The following STAU2 variants were observed in gnomAD, a reference collection of about 807,000 sequenced individuals.
STAU2 encodes double-stranded RNA-binding protein Staufen homolog 2.
In STAU2, 20 loss-of-function variants were observed where a neutral mutation model predicts 65.9. The observed-to-expected ratio is 0.30, with a 90% CI of 0.21 to 0.44. The LOEUF (loss-of-function observed/expected upper bound fraction) is 0.44, where lower values mean the gene tolerates loss of function less well. Ranked by LOEUF, STAU2 falls within the 20% of genes least tolerant of loss-of-function variation. The pLI is 1.00. For missense variants in STAU2, 558 were observed against 683.9 expected (o/e 0.82, Z 2.05); for synonymous variants, 232 against 233.9 (o/e 0.99, Z 0.07).
rs149600110 is a variant in STAU2 at position 73,694,126 on chromosome 8, A to C, written c.115-5313T>G. On this transcript the variant is annotated intron_variant, in intron 4 of 14. Transcript: ENST00000524300. ...TAACGAAGGTCATTTCATATGAATAAAGAAAGCAATTAAGAAGACATTGAT... is the reference window on the plus strand; with the variant it reads ...TAACGAAGGTCATTTCATATGAATACAGAAAGCAATTAAGAAGACATTGAT... Among the ~76,000 whole-genome samples, 1,010 of 152,370 alleles carry C rather than the reference A, an allele frequency of 6.6e-3. 14 individuals are homozygous for C. The highest frequency in any genetic ancestry group is 9.2e-3 in the Non-Finnish European group (625 of 68,032).
At chr8:73,636,974 T>C (rs1208456334) in intron 6 of STAU2, among the ~76,000 whole-genome samples, 1 of 145,280 alleles carries the variant, frequency 6.9e-6, no homozygotes, top group Non-Finnish European at 1.5e-5. Flanking sequence ...GAACAGTAAT[T>C]ATAAAAAGTA....
chr8:73,725,822 A>G (rs1054719707), intron 3 of STAU2, among the ~76,000 whole-genome samples: 4 of 152,136 alleles, frequency 2.6e-5, no homozygotes, highest in Admixed American at 6.6e-5. Context: ...AATCCCAGCT[A>G]CTTGAGAGGC....
intron 5 of STAU2, among the ~76,000 whole-genome samples, chr8:73,675,118 A>ATCC (rs1413973630): frequency 6.6e-6 from 1 of 151,944 alleles, no homozygotes; most frequent in Non-Finnish European, 1.5e-5. Flanking sequence ...GTGGCATAAA[A>ATCC]TTGGACATCA....
At chr8:73,685,760 T>A (rs1818759922) in intron 5 of STAU2, among the ~76,000 whole-genome samples, 1 of 152,150 alleles carries the variant, frequency 6.6e-6, no homozygotes, top group Non-Finnish European at 1.5e-5. Context: ...CTTAAAGAAC[T>A]AAAAGTAGAA....
At position 73,466,643 on chromosome 8, in the gene STAU2, C is replaced by A. The variant is rs887407803; in HGVS notation, c.1531-43941G>T. Reference sequence around the variant, plus strand: ...CATGGAGTTGCCCTGGCCTTTCCCACTCTCTCACTCTCCCACCTCATGTCA... The same window carrying A: ...CATGGAGTTGCCCTGGCCTTTCCCAATCTCTCACTCTCCCACCTCATGTCA... On this transcript the variant is annotated intron_variant, in intron 13 of 14. Transcript: ENST00000524300. 6.6e-5 allele frequency among the ~76,000 whole-genome samples: 10 copies of A among 152,342 alleles called. No individual in the cohort carries two copies. The East Asian group carries it at 1.9e-3, about 29-fold the overall frequency.
intron 6 of STAU2, among the ~76,000 whole-genome samples, chr8:73,648,032 A>C (rs1815521085): frequency 6.6e-6 from 1 of 152,218 alleles, no homozygotes; most frequent in African/African-American, 2.4e-5. Flanking sequence ...GGGGAGACTG[A>C]GTGCAGAGTA....
intron 12 of STAU2, among the ~76,000 whole-genome samples, chr8:73,556,860 G>C (rs534444234): frequency 1.2e-4 from 18 of 152,262 alleles, no homozygotes; most frequent in Non-Finnish European, 2.4e-4. Context: ...CTTTTGGTGA[G>C]ATGAAAATGT....
chr8:73,522,830 TC>T (rs1823112999), intron 13 of STAU2, among the ~76,000 whole-genome samples: 1 of 152,146 alleles, frequency 6.6e-6, no homozygotes, highest in African/African-American at 2.4e-5. Context: ...GATGGGAAAC[TC>T]TGGCCTACAG....
chr8:73,490,768 T>C (rs1337811778), intron 13 of STAU2, among the ~76,000 whole-genome samples: 3 of 152,064 alleles, frequency 2.0e-5, no homozygotes, highest in African/African-American at 7.2e-5. Flanking sequence ...GGGAGCTCAA[T>C]ATTCTTCCTT....
At chr8:73,427,648 A>G (rs1816923559) in intron 13 of STAU2, among the ~76,000 whole-genome samples, 1 of 152,212 alleles carries the variant, frequency 6.6e-6, no homozygotes, top group Admixed American at 6.5e-5. Context: ...GCCTGTGTCC[A>G]TCAACCGGGG....
chr8:73,722,597 C>T (rs1821760619), intron 3 of STAU2, among the ~76,000 whole-genome samples: 1 of 152,170 alleles, frequency 6.6e-6, no homozygotes, highest in Non-Finnish European at 1.5e-5. Flanking sequence ...TTGCTTATAT[C>T]GTTTCTGATA....
chr8:73,568,358 C>A (rs1808774697), intron 12 of STAU2, among the ~76,000 whole-genome samples: 1 of 152,188 alleles, frequency 6.6e-6, no homozygotes, highest in Non-Finnish European at 1.5e-5. Flanking sequence ...AATCCTAACA[C>A]TTTGGGAAGC....
At chr8:73,497,827 GTTTC>G (rs1227877329) in intron 13 of STAU2, among the ~76,000 whole-genome samples, 4 of 151,642 alleles carry the variant, frequency 2.6e-5, no homozygotes, top group East Asian at 1.9e-4. Context: ...ACACTCGAGT[GTTTC>G]TTTATCAGTA....
upstream of STAU2, chr8:73,747,214 C>T: frequency 1.4e-6 from 1 of 717,488 alleles, no homozygotes; most frequent in Non-Finnish European, 2.1e-6. Context: ...GCGCAAGGAG[C>T]GCGCCCGGTC....
chr8:73,646,757 CTA>C (rs1341530128), intron 6 of STAU2, among the ~76,000 whole-genome samples: 1 of 151,732 alleles, frequency 6.6e-6, no homozygotes, highest in Non-Finnish European at 1.5e-5. Flanking sequence ...CTATGAAAAA[CTA>C]TGTTAAGAGG....
intron 13 of STAU2, among the ~76,000 whole-genome samples, chr8:73,546,148 G>GTTTTTTTTTTTTTTTTT (rs1563412799): frequency 1.7e-5 from 2 of 116,462 alleles, no homozygotes; most frequent in Non-Finnish European, 3.2e-5. Context: ...TTTTTTTTTG[G>GTTTTTTTTTTTTTTTTT]TAGAGACAGA....
chr8:73,449,103 C>T (rs1005242432), intron 13 of STAU2, among the ~76,000 whole-genome samples: 1 of 152,214 alleles, frequency 6.6e-6, no homozygotes, highest in Non-Finnish European at 1.5e-5. Context: ...CAGCGGCCTT[C>T]GAGCAGGGAC....
rs1432706418 is a variant in STAU2, at chr8:73,481,504, AAAACAAAAAAAC to A, written c.1531-58814_1531-58803del. Among the ~76,000 whole-genome samples the A allele has an allele frequency of 5.2e-5, 4 of 76,250 alleles. No homozygotes were observed. The Admixed American group carries it at 6.6e-4, about 13-fold the overall frequency. The allele number at this position is 76,250 out of a possible 152,430, so 50.0% of individuals were successfully genotyped here. On this transcript the variant is annotated intron_variant, in intron 13 of 14. Coordinates refer to ENST00000524300, the MANE Select transcript of STAU2 (RefSeq NM_001164380.2). ...AGTATTTGGATCAAAATAAGCCAAA[AAAACAAAAAAAC>A]AAAAAAAAAAAACACTTTTTTTGAG... is the stretch of plus-strand genomic sequence containing the variant.
At chr8:73,595,389 C>G in intron 10 of STAU2, 92 bp from the exon 11 acceptor site, 1 of 1,177,302 alleles carries the variant, frequency 8.5e-7, no homozygotes, top group Non-Finnish European at 1.1e-6. Flanking sequence ...TACTCTCTAG[C>G]ATTTGAAAAC....
Sources: gnomAD v4.1 joint callset for allele counts (sites outside exome capture counted in the v4.1 genomes callset) on GRCh38, gnomAD v4.1.1 for gene constraint, MANE v1.5 for transcripts, NCBI Gene and HGNC (gene_info 2026-07-23, HGNC 2026-07-21) for gene names.